Variants in CCDC149 observed in about 807,000 individuals in gnomAD.
CCDC149 encodes the protein coiled-coil domain-containing protein 149.
A neutral mutation model predicts 59.9 loss-of-function variants in CCDC149; 45 were observed. That is an observed-to-expected ratio of 0.75 (90% CI 0.59 to 0.96). The LOEUF is 0.96. Ranked by LOEUF, CCDC149 falls within the 40% of genes least tolerant of loss-of-function variation. The pLI is 0.00. For synonymous variants in CCDC149, 245 were observed against 260.6 expected (o/e 0.94, Z 0.58); for missense variants, 584 against 664.7 (o/e 0.88, Z 1.33).
At chr4:24,825,900 A>G (rs1715707068) in intron 9 of CCDC149, among the ~76,000 whole-genome samples, 1 of 152,170 alleles carries the variant, frequency 6.6e-6, no homozygotes, top group African/African-American at 2.4e-5. Flanking sequence ...TATTGAGAAC[A>G]TTCAGACTTT....
At chr4:24,932,053 G>A (rs1722610855) in intron 1 of CCDC149, among the ~76,000 whole-genome samples, 1 of 151,822 alleles carries the variant, frequency 6.6e-6, no homozygotes, top group Non-Finnish European at 1.5e-5. Flanking sequence ...AAGTGTAAGT[G>A]TTCTAACAGG....
At chr4:24,874,260 GT>G (rs1233579287) in intron 2 of CCDC149, among the ~76,000 whole-genome samples, 1 of 33,846 alleles carries the variant, frequency 3.0e-5, no homozygotes, top group African/African-American at 8.9e-5. Flanking sequence ...TTTTTTTTTT[GT>G]TTTGTTTTTT....
intron 1 of CCDC149, among the ~76,000 whole-genome samples, chr4:24,941,167 G>A (rs1722943932): frequency 6.6e-6 from 1 of 152,130 alleles, no homozygotes; most frequent in African/African-American, 2.4e-5. Flanking sequence ...CTCAGCAAAT[G>A]TAAAAGAAAA....
intron 1 of CCDC149, among the ~76,000 whole-genome samples, chr4:24,929,362 T>C (rs895554810): frequency 8.6e-5 from 13 of 152,032 alleles, no homozygotes; most frequent in African/African-American, 3.1e-4. Flanking sequence ...GATGAGAAAA[T>C]TTTACAAAAT....
At chr4:24,961,046 C>G (rs1385286258) in intron 1 of CCDC149, among the ~76,000 whole-genome samples, 1 of 152,192 alleles carries the variant, frequency 6.6e-6, no homozygotes, top group African/African-American at 2.4e-5. Flanking sequence ...TAGATCTGAA[C>G]AGCAATAGAA....
chr4:24,903,863 C>T (rs1721322357), intron 1 of CCDC149, among the ~76,000 whole-genome samples: 1 of 150,664 alleles, frequency 6.6e-6, no homozygotes, highest in East Asian at 2.0e-4. Context: ...TGCAGTGGCA[C>T]GGTCTGGGCT....
At chr4:24,833,054 C>T (rs977040055) in intron 8 of CCDC149, among the ~76,000 whole-genome samples, 3 of 152,028 alleles carry the variant, frequency 2.0e-5, no homozygotes, top group African/African-American at 7.2e-5. Flanking sequence ...CGTATGTGTC[C>T]TTTCTGACAC....
chr4:24,870,938 G>A (rs1350782683), intron 3 of CCDC149, among the ~76,000 whole-genome samples: 4 of 151,632 alleles, frequency 2.6e-5, no homozygotes, highest in African/African-American at 7.3e-5. Context: ...CCAGCAACTC[G>A]GGGGGCTAAG....
chr4:24,873,132 A>C (rs1380503933), intron 3 of CCDC149, among the ~76,000 whole-genome samples: 1 of 151,884 alleles, frequency 6.6e-6, no homozygotes, highest in East Asian at 1.9e-4. Context: ...AATGGTATGC[A>C]TCCACAGAAT....
intron 3 of CCDC149, among the ~76,000 whole-genome samples, chr4:24,866,781 C>T (rs1391905600): frequency 1.2e-5 from 1 of 82,664 alleles, no homozygotes; most frequent in East Asian, 4.0e-4. Context: ...ACGCGAAGAC[C>T]CAAAAAGCAA....
At chr4:24,910,523 C>A (rs1721813959) in intron 1 of CCDC149, among the ~76,000 whole-genome samples, 1 of 152,134 alleles carries the variant, frequency 6.6e-6, no homozygotes, top group African/African-American at 2.4e-5. Context: ...GAATTTTTCA[C>A]AGGCACCCAA....
At chr4:24,963,320 T>G (rs2006995496) in intron 1 of CCDC149, among the ~76,000 whole-genome samples, 1 of 151,978 alleles carries the variant, frequency 6.6e-6, no homozygotes, top group Admixed American at 6.6e-5. Flanking sequence ...AAGTAGGTCG[T>G]TTTTCAATCA....
chr4:24,838,070 G>A, intron 5 of CCDC149, 86 bp downstream of exon 5: 1 of 1,073,760 alleles, frequency 9.3e-7, no homozygotes, highest in South Asian at 1.2e-5. Context: ...CATACTCTGA[G>A]AAACGAGGGG....
intron 3 of CCDC149, among the ~76,000 whole-genome samples, chr4:24,872,987 C>T (rs1028302826): frequency 6.7e-6 from 1 of 150,124 alleles, no homozygotes; most frequent in African/African-American, 2.5e-5. Context: ...GAATGGTATG[C>T]ACCCACTGAA....
intron 1 of CCDC149, among the ~76,000 whole-genome samples, chr4:24,881,677 C>A (rs959741261): frequency 7.2e-5 from 11 of 152,168 alleles, no homozygotes; most frequent in African/African-American, 2.7e-4. Flanking sequence ...GTTATACTTG[C>A]CCCTGGGCTG....
chr4:24,823,388 C>T (rs1354108582), intron 9 of CCDC149, among the ~76,000 whole-genome samples: 1 of 152,242 alleles, frequency 6.6e-6, no homozygotes, highest in Non-Finnish European at 1.5e-5. Flanking sequence ...ATACATACTC[C>T]CACATCACTC....
intron 9 of CCDC149, 43 bp from the exon 10 acceptor site, chr4:24,822,616 T>C: frequency 7.0e-7 from 1 of 1,419,818 alleles, no homozygotes; most frequent in Admixed American, 2.3e-5. Context: ...CTGAGCATCC[T>C]GTCAGCCCCC....
chr4:24,906,880 G>A (rs184768478), intron 1 of CCDC149, among the ~76,000 whole-genome samples: 2 of 152,280 alleles, frequency 1.3e-5, no homozygotes, highest in East Asian at 3.9e-4. Flanking sequence ...ACACAACAGT[G>A]ACCTAGAGTG....
chr4:24,862,881 AAT>A (rs1718467512), intron 3 of CCDC149, among the ~76,000 whole-genome samples: 1 of 152,206 alleles, frequency 6.6e-6, no homozygotes, highest in African/African-American at 2.4e-5. Flanking sequence ...GTAAAATGTT[AAT>A]AAAATTGTAT....
Sources: gnomAD v4.1 joint callset for allele counts (sites outside exome capture counted in the v4.1 genomes callset) on GRCh38, gnomAD v4.1.1 for gene constraint, MANE v1.5 for transcripts, NCBI Gene and HGNC (gene_info 2026-07-23, HGNC 2026-07-21) for gene names.